QTMAN: variants seen among roughly 807,000 people sequenced by gnomAD.
QTMAN encodes queuosine-tRNA mannosyltransferase, also known as tRNA-queuosine alpha-mannosyltransferase.
the QTMAN span, among the ~76,000 whole-genome samples, chr2:144,175,585 A>T: frequency 1.3e-5 from 2 of 152,108 alleles, no homozygotes; most frequent in East Asian, 3.9e-4. Flanking sequence ...AGGGCAGATA[A>T]GTCTCCTTCC....
the QTMAN span, among the ~76,000 whole-genome samples, chr2:144,246,598 A>AAAAAAAAAAAG: frequency 6.7e-6 from 1 of 148,974 alleles, no homozygotes; most frequent in African/African-American, 2.5e-5. Flanking sequence ...AAAAAAAAAA[A>AAAAAAAAAAAG]AAAAGAAAAG....
At chr2:143,949,887 A>G in the QTMAN span, among the ~76,000 whole-genome samples, 2 of 151,676 alleles carry the variant, frequency 1.3e-5, no homozygotes, top group African/African-American at 2.4e-5. Context: ...CACAAACTAA[A>G]TCTGTGGTCC....
At chr2:143,979,408 T>C in the QTMAN span, among the ~76,000 whole-genome samples, 1 of 152,186 alleles carries the variant, frequency 6.6e-6, no homozygotes, top group Non-Finnish European at 1.5e-5. Flanking sequence ...TATAATTATT[T>C]AATAAATATT....
At chr2:144,134,437 A>G in the QTMAN span, among the ~76,000 whole-genome samples, 1 of 152,132 alleles carries the variant, frequency 6.6e-6, no homozygotes, top group South Asian at 2.1e-4. Context: ...CCAAATGACC[A>G]ACATCCTTTT....
the QTMAN span, among the ~76,000 whole-genome samples, chr2:144,061,671 T>C: frequency 1.3e-5 from 2 of 152,142 alleles, no homozygotes; most frequent in Non-Finnish European, 2.9e-5. Context: ...GCTGGGCTCC[T>C]GGCTAAACCC....
the QTMAN span, among the ~76,000 whole-genome samples, chr2:144,133,145 ATAT>A: frequency 3.9e-5 from 2 of 50,822 alleles, no homozygotes; most frequent in African/African-American, 1.2e-4. Context: ...ATATATATAT[ATAT>A]ATAATATAAT....
At chr2:144,322,388 C>G in the QTMAN span, among the ~76,000 whole-genome samples, 1 of 152,080 alleles carries the variant, frequency 6.6e-6, no homozygotes, top group Non-Finnish European at 1.5e-5. Flanking sequence ...AGTAAGATAA[C>G]ATATGTAATA....
chr2:144,322,387 A>G, the QTMAN span, among the ~76,000 whole-genome samples: 1 of 152,222 alleles, frequency 6.6e-6, no homozygotes, highest in Non-Finnish European at 1.5e-5. Context: ...TAGTAAGATA[A>G]CATATGTAAT....
chr2:144,310,585 GA>G, the QTMAN span, among the ~76,000 whole-genome samples: 1 of 152,234 alleles, frequency 6.6e-6, no homozygotes, highest in African/African-American at 2.4e-5. Flanking sequence ...AGTAAGAAAT[GA>G]CAGTGGCTTT....
At chr2:144,080,209 C>T in the QTMAN span, among the ~76,000 whole-genome samples, 1 of 151,690 alleles carries the variant, frequency 6.6e-6, no homozygotes, top group East Asian at 1.9e-4. Context: ...AATTACCAAA[C>T]AATCTCCTCT....
At chr2:143,984,655 C>T in the QTMAN span, among the ~76,000 whole-genome samples, 4 of 152,200 alleles carry the variant, frequency 2.6e-5, no homozygotes, top group African/African-American at 9.7e-5. Flanking sequence ...ACCCTGCTCC[C>T]TATCCTGTGC....
chr2:143,979,892 T>C, the QTMAN span, among the ~76,000 whole-genome samples: 2 of 152,220 alleles, frequency 1.3e-5, no homozygotes, highest in African/African-American at 4.8e-5. Flanking sequence ...GAGTTTCTGT[T>C]TTTCCTGTTA....
chr2:144,266,368 T>A, the QTMAN span, among the ~76,000 whole-genome samples: 10 of 152,258 alleles, frequency 6.6e-5, no homozygotes, highest in East Asian at 1.5e-3. Flanking sequence ...AGGGTGGAAA[T>A]CACTACCCCA....
At chr2:144,262,788 TGG>T in the QTMAN span, among the ~76,000 whole-genome samples, 1 of 16,384 alleles carries the variant, frequency 6.1e-5, no homozygotes, top group Non-Finnish European at 1.1e-4. Context: ...GGAGGGGAGA[TGG>T]GAGGAGAGGT....
At chr2:143,962,372 G>C in the QTMAN span, among the ~76,000 whole-genome samples, 1 of 152,078 alleles carries the variant, frequency 6.6e-6, no homozygotes, top group Admixed American at 6.6e-5. Flanking sequence ...GGGCACAGCT[G>C]TATTCAGGAA....
the QTMAN span, among the ~76,000 whole-genome samples, chr2:144,235,193 T>C: frequency 6.6e-6 from 1 of 152,158 alleles, no homozygotes; most frequent in South Asian, 2.1e-4. Flanking sequence ...ACAAGGAATA[T>C]GAGGCAAAAA....
chr2:144,197,450 T>C, the QTMAN span, among the ~76,000 whole-genome samples: 2 of 152,084 alleles, frequency 1.3e-5, no homozygotes, highest in East Asian at 3.8e-4. Flanking sequence ...ATGGAGTAAC[T>C]TAAAATGCTG....
At chr2:144,250,698 C>G in the QTMAN span, among the ~76,000 whole-genome samples, 1 of 146,350 alleles carries the variant, frequency 6.8e-6, no homozygotes, top group African/African-American at 2.5e-5. Context: ...ACTATGCTTA[C>G]TACACATTAC....
the QTMAN span, among the ~76,000 whole-genome samples, chr2:144,228,815 G>C: frequency 6.6e-6 from 1 of 152,068 alleles, no homozygotes; most frequent in Non-Finnish European, 1.5e-5. Flanking sequence ...AAAATTAGCC[G>C]GGCGTGATGG....
Sources: allele counts gnomAD v4.1 joint callset (sites outside exome capture counted in the v4.1 genomes callset), GRCh38; gene constraint gnomAD v4.1.1; transcripts MANE v1.5; gene names NCBI Gene and HGNC (gene_info 2026-07-23, HGNC 2026-07-21).